SNX18: variants seen among roughly 807,000 people sequenced by gnomAD.
SNX18 encodes the protein sorting nexin-18.
Under a neutral mutation model 48.7 loss-of-function variants are expected in SNX18, and 35 were observed. The observed-to-expected ratio is 0.72, with a 90% confidence interval of 0.55 to 0.95. The LOEUF is 0.95. Ranked by LOEUF, SNX18 falls within the 40% of genes least tolerant of loss-of-function variation. The probability of loss-of-function intolerance (pLI) is 0.00; values close to 1 mark genes in which losing one functional copy is unlikely to be tolerated. For synonymous variants in SNX18, 492 were observed against 384.7 expected (o/e 1.28, Z -3.26); for missense variants, 824 against 871.0 (o/e 0.95, Z 0.68).
chr5:54,532,578 T>C (rs1237736020), intron 1 of SNX18, among the ~76,000 whole-genome samples: 2 of 152,196 alleles, frequency 1.3e-5, no homozygotes, highest in Non-Finnish European at 2.9e-5. Flanking sequence ...TCTTTCTTAC[T>C]CTCAAATTTT....
chr5:54,613,753 C>T, the SNX18 span, among the ~76,000 whole-genome samples: 1 of 152,124 alleles, frequency 6.6e-6, no homozygotes, highest in Non-Finnish European at 1.5e-5. Context: ...GGCTGGAGTA[C>T]AATGGTGCGA....
At chr5:54,577,957 A>C in the SNX18 span, among the ~76,000 whole-genome samples, 4 of 152,254 alleles carry the variant, frequency 2.6e-5, no homozygotes, top group Admixed American at 6.5e-5. Context: ...AGAATTCTGC[A>C]GATCTGCAAG....
the SNX18 span, among the ~76,000 whole-genome samples, chr5:54,583,906 T>A: frequency 6.6e-6 from 1 of 152,176 alleles, no homozygotes; most frequent in African/African-American, 2.4e-5. Context: ...TCTGCTGTAA[T>A]GACATTGCTG....
chr5:54,524,800 A>G (rs1346601786), intron 1 of SNX18, among the ~76,000 whole-genome samples: 1 of 152,230 alleles, frequency 6.6e-6, no homozygotes, highest in Non-Finnish European at 1.5e-5. Context: ...CGGTGTCTGC[A>G]GGAGGGCTGG....
the SNX18 span, among the ~76,000 whole-genome samples, chr5:54,554,841 T>C: frequency 6.6e-6 from 1 of 152,218 alleles, no homozygotes; most frequent in African/African-American, 2.4e-5. Flanking sequence ...AGCAGGGATT[T>C]CCAGATTATA....
At chr5:54,560,182 T>C in the SNX18 span, among the ~76,000 whole-genome samples, 3 of 152,220 alleles carry the variant, frequency 2.0e-5, no homozygotes, top group Non-Finnish European at 4.4e-5. Context: ...CACGCATATG[T>C]TCACTGCAGC....
At chr5:54,613,701 G>A in the SNX18 span, among the ~76,000 whole-genome samples, 1 of 152,070 alleles carries the variant, frequency 6.6e-6, no homozygotes, top group African/African-American at 2.4e-5. Flanking sequence ...CTCTTTTTTT[G>A]TTGTTTGTTT....
chr5:54,640,435 G>A, the SNX18 span, among the ~76,000 whole-genome samples: 1 of 151,808 alleles, frequency 6.6e-6, no homozygotes, highest in Admixed American at 6.6e-5. Flanking sequence ...TGTTGCCCAG[G>A]CTAGCCTTAA....
chr5:54,547,888 G>A (rs1162195484), downstream of SNX18, among the ~76,000 whole-genome samples: 4 of 152,304 alleles, frequency 2.6e-5, no homozygotes, highest in Non-Finnish European at 4.4e-5. Context: ...CCACAGGTGG[G>A]ACTCAGGTGA....
At chr5:54,520,646 C>G (rs1423086685) in intron 1 of SNX18, 2 of 166,824 alleles carry the variant, frequency 1.2e-5, no homozygotes, top group Admixed American at 1.3e-4. Context: ...TCTGGCATGT[C>G]TTTTCTTGTA....
the SNX18 span, among the ~76,000 whole-genome samples, chr5:54,564,699 AT>A: frequency 1.3e-5 from 2 of 152,098 alleles, no homozygotes; most frequent in Non-Finnish European, 2.9e-5. Context: ...TCTACTAAAA[AT>A]ACAAAAAGTT....
chr5:54,606,402 G>C, the SNX18 span, among the ~76,000 whole-genome samples: 1 of 152,116 alleles, frequency 6.6e-6, no homozygotes, highest in Non-Finnish European at 1.5e-5. Flanking sequence ...TGTATTTCCA[G>C]GTTAGTCCCT....
chr5:54,548,132 A>T (rs1211753131), downstream of SNX18, among the ~76,000 whole-genome samples: 1 of 152,154 alleles, frequency 6.6e-6, no homozygotes, highest in African/African-American at 2.4e-5. Flanking sequence ...TGATCCCAGG[A>T]TGTCTCAATC....
the SNX18 span, among the ~76,000 whole-genome samples, chr5:54,588,306 C>CTTTTTTTTTTTTTTT: frequency 1.1e-3 from 79 of 73,920 alleles, 14 homozygotes; most frequent in East Asian, 2.4e-3. Context: ...TATTTCTATT[C>CTTTTTTTTTTTTTTT]TTTTTTTTTT....
At chr5:54,632,278 C>T in the SNX18 span, among the ~76,000 whole-genome samples, 1 of 152,160 alleles carries the variant, frequency 6.6e-6, no homozygotes, top group Non-Finnish European at 1.5e-5. Context: ...GGAGTGGATC[C>T]AGCCAAAACA....
intron 1 of SNX18, among the ~76,000 whole-genome samples, chr5:54,539,092 G>A (rs1407330939): frequency 6.6e-6 from 1 of 152,026 alleles, no homozygotes; most frequent in Non-Finnish European, 1.5e-5. Context: ...GAGTGCAGTG[G>A]TGCGATCATA....
the SNX18 span, among the ~76,000 whole-genome samples, chr5:54,622,115 A>G: frequency 2.0e-5 from 3 of 152,216 alleles, no homozygotes; most frequent in Non-Finnish European, 4.4e-5. Context: ...AAATGATGCT[A>G]TTTATTTGTG....
chr5:54,550,836 C>T (rs1221221065), downstream of SNX18, among the ~76,000 whole-genome samples: 4 of 152,112 alleles, frequency 2.6e-5, no homozygotes, highest in Non-Finnish European at 5.9e-5. Context: ...CCACCTGCGT[C>T]GGCCTCCCAA....
chr5:54,594,675 A>G, the SNX18 span, among the ~76,000 whole-genome samples: 1 of 152,190 alleles, frequency 6.6e-6, no homozygotes, highest in Non-Finnish European at 1.5e-5. Flanking sequence ...TCTGGGGAGA[A>G]AATTCACCCA....
Sources: gnomAD v4.1 joint callset for allele counts (sites outside exome capture counted in the v4.1 genomes callset) on GRCh38, gnomAD v4.1.1 for gene constraint, MANE v1.5 for transcripts, NCBI Gene and HGNC (gene_info 2026-07-23, HGNC 2026-07-21) for gene names.